The following RAB30 variants were observed in gnomAD, a reference collection of about 807,000 sequenced individuals.
RAB30 encodes the protein RAB30, member RAS oncogene family, also known as ras-related protein Rab-30.
RAB30 carries 9 observed loss-of-function variants against 25.1 expected under a neutral mutation model. The ratio of observed to expected loss-of-function variants is 0.36; its 90% CI spans 0.22 to 0.63. RAB30 has a LOEUF of 0.63. Ranked by LOEUF, RAB30 falls within the 20% of genes least tolerant of loss-of-function variation. The probability of loss-of-function intolerance (pLI) is 0.69; values close to 1 mark genes in which losing one functional copy is unlikely to be tolerated. For synonymous variants in RAB30, 77 were observed against 86.4 expected, an observed-to-expected ratio of 0.89 and a Z score of 0.60; for missense variants, 140 against 243.5, an observed-to-expected ratio of 0.58 and a Z score of 2.83.
intron 2 of RAB30, among the ~76,000 whole-genome samples, chr11:82,995,824 T>G (rs558109481): frequency 8.3e-4 from 126 of 152,284 alleles, no homozygotes; most frequent in African/African-American, 3.0e-3. Context: ...TCTCACAATA[T>G]AAGATCCTAA....
intron 1 of RAB30, among the ~76,000 whole-genome samples, chr11:83,051,105 T>G (rs1199201388): frequency 6.6e-6 from 1 of 152,178 alleles, no homozygotes; most frequent in Non-Finnish European, 1.5e-5. Context: ...AGAAGTGATA[T>G]AAGCCACTTT....
intron 1 of RAB30, among the ~76,000 whole-genome samples, chr11:83,046,845 A>C (rs1858244813): frequency 1.3e-5 from 2 of 152,168 alleles, no homozygotes; most frequent in African/African-American, 2.4e-5. Flanking sequence ...TATGCATCAG[A>C]GATCATATGT....
rs773483484 is a variant in RAB30, at chr11:82,975,143, G to A, written c.*7022C>T. 6 of 151,884 alleles carry A rather than the reference G, an allele frequency of 4.0e-5. No individual in the cohort carries two copies. The highest frequency in any genetic ancestry group is 2.6e-4 in the Admixed American group (4 of 15,250). The allele number at this position is 151,884 out of a possible 1,614,324, so 9.4% of individuals were successfully genotyped here. A position where few individuals can be genotyped will look rare whatever the true frequency, so the allele number is the denominator to read the frequency against. Reference sequence around the variant, plus strand: ...CATGAAAGCCTAAACCGGCCTTAAAGGGATAAGAGGATTTTACATTTTTAA... The same window carrying A: ...CATGAAAGCCTAAACCGGCCTTAAAAGGATAAGAGGATTTTACATTTTTAA... On this transcript the variant is annotated 3_prime_UTR_variant, in exon 5 of 5. Transcript: ENST00000527633.
intron 4 of RAB30, among the ~76,000 whole-genome samples, chr11:82,983,399 A>G (rs1236821744): frequency 2.6e-5 from 4 of 152,226 alleles, no homozygotes; most frequent in Non-Finnish European, 5.9e-5. Flanking sequence ...GAACATGTTC[A>G]TCATGTGTGG....
chr11:83,064,133 T>C (rs963564905), intron 1 of RAB30, among the ~76,000 whole-genome samples: 3 of 151,272 alleles, frequency 2.0e-5, no homozygotes, highest in Non-Finnish European at 4.4e-5. Flanking sequence ...TCTTTTCTTT[T>C]TTTAAGACAA....
chr11:82,984,199 G>T (rs1230299837), intron 4 of RAB30, among the ~76,000 whole-genome samples: 1 of 152,176 alleles, frequency 6.6e-6, no homozygotes, highest in African/African-American at 2.4e-5. Context: ...TCTGGCCTGG[G>T]AATTCTATCT....
At chr11:83,054,415 T>G (rs978080880) in intron 1 of RAB30, among the ~76,000 whole-genome samples, 1 of 152,194 alleles carries the variant, frequency 6.6e-6, no homozygotes, top group Non-Finnish European at 1.5e-5. Context: ...AAAACTTGTG[T>G]TTGATGAATG....
chr11:82,994,201 C>A, intron 2 of RAB30, 79 bp from the exon 3 acceptor site: 1 of 1,232,974 alleles, frequency 8.1e-7, no homozygotes, highest in Non-Finnish European at 1.2e-6. Flanking sequence ...CCCAGCAACA[C>A]CCATCACCGG....
At chr11:82,983,810 A>T (rs1856687576) in intron 4 of RAB30, among the ~76,000 whole-genome samples, 1 of 152,072 alleles carries the variant, frequency 6.6e-6, no homozygotes, top group Non-Finnish European at 1.5e-5. Context: ...TAGCCTAAGG[A>T]CAAAAAGAAT....
At chr11:83,024,445 A>G (rs982139028) in intron 1 of RAB30, among the ~76,000 whole-genome samples, 1 of 152,248 alleles carries the variant, frequency 6.6e-6, no homozygotes, top group Non-Finnish European at 1.5e-5. Flanking sequence ...TAAGGAACCA[A>G]TGCAGTACTG....
At chr11:83,055,711 C>T (rs754594346) in intron 1 of RAB30, among the ~76,000 whole-genome samples, 5 of 152,336 alleles carry the variant, frequency 3.3e-5, no homozygotes, top group South Asian at 2.1e-4. Flanking sequence ...AGGCCATGAG[C>T]GCTCCATGCT....
chr11:83,021,027 C>T (rs534830870), intron 1 of RAB30, among the ~76,000 whole-genome samples: 55 of 152,310 alleles, frequency 3.6e-4, no homozygotes, highest in Middle Eastern at 6.8e-3. Context: ...CTTGTTGGGA[C>T]AACCTGCCTG....
At chr11:83,018,816 T>A (rs1044596402) in intron 1 of RAB30, among the ~76,000 whole-genome samples, 2 of 152,246 alleles carry the variant, frequency 1.3e-5, no homozygotes, top group African/African-American at 4.8e-5. Flanking sequence ...AGAATTTTAA[T>A]GATTTCAGGT....
intron 1 of RAB30, among the ~76,000 whole-genome samples, chr11:83,068,431 T>A (rs1343038378): frequency 6.6e-6 from 1 of 152,058 alleles, no homozygotes; most frequent in East Asian, 1.9e-4. Flanking sequence ...TCTGACCAAG[T>A]CTTTCCTTCA....
Position 82,980,832 on chromosome 11 carries a change from A to AGGAG in RAB30, c.*1329_*1332dup, listed in dbSNP as rs374670174. On this transcript the variant is annotated 3_prime_UTR_variant, in exon 5 of 5. Coordinates refer to ENST00000527633, the MANE Select transcript of RAB30 (RefSeq NM_001286060.2). ...CACAGGCATATAAGGATGGGAGGGA[A>AGGAG]GGAGGGAGGGAGGGAGGGAAGAAGA... The AGGAG allele has an allele frequency of 4.3e-5, 6 of 140,944 alleles. No homozygotes were observed. The highest frequency in any genetic ancestry group is 6.2e-5 in the Non-Finnish European group (4 of 64,038). The allele number at this position is 140,944 out of a possible 1,614,324, so 8.7% of individuals were successfully genotyped here. A position where few individuals can be genotyped will look rare whatever the true frequency, so the allele number is the denominator to read the frequency against.
At chr11:83,024,278 C>A (rs1857657394) in intron 1 of RAB30, among the ~76,000 whole-genome samples, 1 of 152,322 alleles carries the variant, frequency 6.6e-6, no homozygotes, top group African/African-American at 2.4e-5. Flanking sequence ...TTCTGCCCTT[C>A]AGGACCAACT....
At chr11:83,060,970 G>A (rs750401398) in intron 1 of RAB30, among the ~76,000 whole-genome samples, 2 of 152,140 alleles carry the variant, frequency 1.3e-5, no homozygotes, top group African/African-American at 2.4e-5. Flanking sequence ...CCTGTCCTCG[G>A]ACAACAACTC....
At chr11:83,054,159 C>A (rs1858410485) in intron 1 of RAB30, among the ~76,000 whole-genome samples, 1 of 152,134 alleles carries the variant, frequency 6.6e-6, no homozygotes, top group African/African-American at 2.4e-5. Flanking sequence ...TTGTGGTCTT[C>A]TTCATTATCT....
chr11:83,047,509 G>T (rs988206027), intron 1 of RAB30, among the ~76,000 whole-genome samples: 5 of 152,012 alleles, frequency 3.3e-5, no homozygotes, highest in African/African-American at 1.2e-4. Flanking sequence ...AAAAATACAC[G>T]ATACCAAAAC....
Sources: allele counts gnomAD v4.1 joint callset (sites outside exome capture counted in the v4.1 genomes callset), GRCh38; gene constraint gnomAD v4.1.1; transcripts MANE v1.5; gene names NCBI Gene and HGNC (gene_info 2026-07-23, HGNC 2026-07-21).